Variants in NCAPG observed in about 807,000 individuals in gnomAD.
NCAPG encodes non-SMC condensin I complex subunit G.
In NCAPG, 69 loss-of-function variants were observed where a neutral mutation model predicts 113.1. That is an observed-to-expected ratio of 0.61 (90% CI 0.50 to 0.75). The LOEUF (loss-of-function observed/expected upper bound fraction) is 0.75. Ranked by LOEUF, NCAPG falls within the 30% of genes least tolerant of loss-of-function variation. NCAPG has a pLI of 0.00. For missense variants in NCAPG, 1,058 were observed against 1,177.0 expected (o/e 0.90, Z 1.48); for synonymous variants, 370 against 415.8 (o/e 0.89, Z 1.34).
intron 13 of NCAPG, among the ~76,000 whole-genome samples, chr4:17,831,824 G>C (rs1383703266): frequency 6.6e-6 from 1 of 152,184 alleles, no homozygotes; most frequent in African/African-American, 2.4e-5. Flanking sequence ...CTGTAAAGAT[G>C]TCAGTTTTCA....
chr4:17,813,456 C>G (rs1721077425), intron 3 of NCAPG: 1 of 179,168 alleles, frequency 5.6e-6, no homozygotes. Flanking sequence ...TAATGTTTTC[C>G]TGTCATTTTG....
At chr4:17,824,546 T>A (rs896203612) in intron 9 of NCAPG, among the ~76,000 whole-genome samples, 1 of 152,122 alleles carries the variant, frequency 6.6e-6, no homozygotes, top group Non-Finnish European at 1.5e-5. Context: ...TATGCTATTA[T>A]TATTTATGCA....
Position 17,837,335 on chromosome 4 carries a change from A to G in NCAPG, c.2286A>G (p.Ala762=), listed in dbSNP as rs148611191. The G allele has an allele frequency of 4.3e-6, 7 of 1,612,764 alleles. No individual in the cohort carries two copies. The African/African-American group carries it at 9.3e-5, about 22-fold the overall frequency. The change falls in exon 15 of 21, where the codon GCA becomes GCG. Residue 762 remains alanine, a synonymous_variant. Coordinates refer to ENST00000251496, the MANE Select transcript of NCAPG (RefSeq NM_022346.5). The part of the protein sequence containing the change: ...LGVFFPVFAY[A]SRTNQECFEE... Reference sequence around the variant, plus strand: ...TGTTCTTCCCCGTGTTTGCTTATGCAAGCAGGTATTGAGTCATACTGATAA... The same window carrying G: ...TGTTCTTCCCCGTGTTTGCTTATGCGAGCAGGTATTGAGTCATACTGATAA...
chr4:17,823,646 G>A lies in NCAPG; in HGVS notation c.1260-1G>A. On this transcript the variant is annotated splice_acceptor_variant, in intron 8 of 20. Coordinates refer to ENST00000251496, the MANE Select transcript of NCAPG (RefSeq NM_022346.5). LOFTEE classifies it high-confidence loss of function. ...TTTAAATTAGTTCTTTTTGACTGCA[G>A]AAAAAAACTGCTGGCTGTTTTACAG... 1 of 1,604,124 alleles carries A rather than the reference G, an allele frequency of 6.2e-7. No individual in the cohort carries two copies. The highest frequency in any genetic ancestry group is 8.5e-7 in the Non-Finnish European group (1 of 1,175,532).
intron 7 of NCAPG, among the ~76,000 whole-genome samples, chr4:17,820,588 C>T (rs1416411193): frequency 6.6e-6 from 1 of 151,782 alleles, no homozygotes; most frequent in African/African-American, 2.4e-5. Flanking sequence ...GGCAACAGAG[C>T]AAGACTCCGT....
chr4:17,836,320 A>AT lies in NCAPG; in HGVS notation c.2110-838dup, dbSNP rs1722089726. 2.6e-5 allele frequency among the ~76,000 whole-genome samples: 4 copies of AT among 152,150 alleles called. No homozygotes were observed. The South Asian group carries it at 8.3e-4, about 32-fold the overall frequency. On this transcript the variant is annotated intron_variant, in intron 14 of 20. Coordinates refer to ENST00000251496, the MANE Select transcript of NCAPG (RefSeq NM_022346.5). ...TTTTTAAGTTGGGTTGGTTGTCTTT[A>AT]TAGAGTTCTTTATATAGTTTGGGTA...
At chr4:17,833,467 A>ATAT (rs796955505) in intron 13 of NCAPG, among the ~76,000 whole-genome samples, 2 of 135,338 alleles carry the variant, frequency 1.5e-5, no homozygotes, top group African/African-American at 3.2e-5. Flanking sequence ...TCAAAAAAAA[A>ATAT]AAATATATAT....
intron 7 of NCAPG, among the ~76,000 whole-genome samples, chr4:17,821,550 G>A (rs1394996275): frequency 2.8e-5 from 4 of 145,096 alleles, no homozygotes; most frequent in Non-Finnish European, 6.0e-5. Flanking sequence ...TGCAGCCTCT[G>A]CCTCCCAGGT....
rs1467065351 is a variant in NCAPG, at chr4:17,812,301, T to G, written c.192T>G (p.Ala64=). 9 of 1,613,820 alleles carry G rather than the reference T, an allele frequency of 5.6e-6. No individual in the cohort carries two copies. In the African/African-American group the frequency reaches 1.1e-4, roughly 19 times the overall value. ...YVMVVYKREP[A]VERVIEFAAK... ...TGGTGGTCTATAAACGTGAACCAGCTGTGGAGAGGGTAATAGAATTTGCAG... is the reference window on the plus strand; with the variant it reads ...TGGTGGTCTATAAACGTGAACCAGCGGTGGAGAGGGTAATAGAATTTGCAG... Residue 64 remains alanine, a synonymous_variant, in exon 2 of 21, where the codon GCT becomes GCG. Transcript: ENST00000251496.
In NCAPG at chr4:17,812,275, A is replaced by G. The variant is rs1721014679; in HGVS notation, c.166A>G (p.Met56Val). ...GTTCATTCATTACCTTAAATATGTTATGGTGGTCTATAAACGTGAACCAGC... is the reference window on the plus strand; with the variant it reads ...GTTCATTCATTACCTTAAATATGTTGTGGTGGTCTATAAACGTGAACCAGC... ...EEFIHYLKYVMVVYKREPAVE... is the reference protein window; with the variant it reads ...EEFIHYLKYVVVVYKREPAVE... Residue 56 changes from methionine (M) to valine (V), a missense_variant, in exon 2 of 21, where the codon ATG (methionine) becomes GTG (valine). Coordinates refer to ENST00000251496, the MANE Select transcript of NCAPG (RefSeq NM_022346.5). 2 of 1,613,652 alleles carry G rather than the reference A, an allele frequency of 1.2e-6. No homozygotes were observed. The highest frequency in any genetic ancestry group is 1.3e-5 in the African/African-American group (1 of 74,912).
At chr4:17,831,205 T>G (rs1721858822) in intron 13 of NCAPG, 89 bp downstream of exon 13, 1 of 1,312,570 alleles carries the variant, frequency 7.6e-7, no homozygotes, top group Non-Finnish European at 1.0e-6. Flanking sequence ...TCTATTCTGA[T>G]TCTTATTGAT....
intron 5 of NCAPG, among the ~76,000 whole-genome samples, chr4:17,815,838 T>C (rs1476788037): frequency 6.6e-6 from 1 of 152,158 alleles, no homozygotes; most frequent in Non-Finnish European, 1.5e-5. Context: ...TCTTGGTATT[T>C]TGAAGGAGCA....
At chr4:17,834,107 CAAAT>C (rs1721985216) in intron 13 of NCAPG, among the ~76,000 whole-genome samples, 188 bp from the exon 14 acceptor site, 1 of 151,836 alleles carries the variant, frequency 6.6e-6, no homozygotes, top group Non-Finnish European at 1.5e-5. Context: ...TGTTATGGTT[CAAAT>C]AAATAAAAAT....
intron 11 of NCAPG, among the ~76,000 whole-genome samples, chr4:17,826,176 C>T (rs910938621): frequency 6.6e-5 from 10 of 151,922 alleles, no homozygotes; most frequent in Admixed American, 2.6e-4. Context: ...TTAATGGTAT[C>T]GATACCATTC....
chr4:17,835,724 T>C (rs1358561478), intron 14 of NCAPG, among the ~76,000 whole-genome samples: 1 of 152,230 alleles, frequency 6.6e-6, no homozygotes, highest in African/African-American at 2.4e-5. Context: ...AATCATACAG[T>C]ATGTGACCTC....
Position 17,823,711 on chromosome 4 carries a change from T to C in NCAPG, c.1324T>C (p.Ser442Pro). 2 of 1,607,150 alleles carry C rather than the reference T, an allele frequency of 1.2e-6. No homozygotes were observed. The highest frequency in any genetic ancestry group is 1.1e-5 in the South Asian group (1 of 90,874). ...ACCCACAATCCCAATATCCCTGGTT[T>C]CTTTTCTTGTTGAAAGACTACTCCA... ...ILPTIPISLV[S>P]FLVERLLHII... Residue 442 changes from serine (S) to proline (P), a missense_variant, in exon 9 of 21, where the codon TCT becomes CCT. By Grantham distance (74) the Ser-to-Pro change is moderately conservative. Transcript: ENST00000251496.
At chr4:17,812,452 G>T in intron 2 of NCAPG, 28 bp downstream of exon 2, 1 of 1,588,024 alleles carries the variant, frequency 6.3e-7, no homozygotes. Context: ...GCTTTGGGGA[G>T]GGATTTTAGA....
intron 3 of NCAPG, 123 bp downstream of exon 3, chr4:17,813,268 T>A: frequency 2.6e-6 from 2 of 781,084 alleles, no homozygotes; most frequent in Non-Finnish European, 1.9e-6. Flanking sequence ...TGATTCCGAT[T>A]AAACAAAAAA....
In NCAPG at chr4:17,837,295, G is replaced by A. The variant is rs1019789708; in HGVS notation, c.2246G>A (p.Arg749Gln). Residue 749 changes from arginine to glutamine, a missense_variant, in exon 15 of 21, where the codon CGA becomes CAA. By Grantham distance (43) the Arg-to-Gln change is conservative. Transcript: ENST00000251496. ...NPVTEEDVQL[R>Q]HCLGVFFPVF... ...GTGACTGAAGAGGATGTTCAACTTC[G>A]ACATTGCCTAGGCGTGTTCTTCCCC... is the stretch of plus-strand genomic sequence containing the variant. The A allele has an allele frequency of 6.2e-7, 1 of 1,613,696 alleles. No individual in the cohort carries two copies. The highest frequency in any genetic ancestry group is 1.3e-5 in the African/African-American group (1 of 74,882).
Sources: gnomAD v4.1 joint callset for allele counts (sites outside exome capture counted in the v4.1 genomes callset) on GRCh38, gnomAD v4.1.1 for gene constraint, MANE v1.5 for transcripts, NCBI Gene and HGNC (gene_info 2026-07-23, HGNC 2026-07-21) for gene names.